GIGYF2: variants seen among roughly 807,000 people sequenced by gnomAD.
GIGYF2 encodes GRB10-interacting GYF protein 2.
In GIGYF2, 25 loss-of-function variants were observed where a neutral mutation model predicts 208.1. That is an observed-to-expected ratio of 0.12 (90% CI 0.09 to 0.17). The LOEUF (loss-of-function observed/expected upper bound fraction) is 0.17. Ranked by LOEUF, GIGYF2 falls within the 10% of genes least tolerant of loss-of-function variation. The pLI is 1.00. For synonymous variants in GIGYF2, 534 were observed against 543.8 expected (o/e 0.98, Z 0.25); for missense variants, 1,302 against 1,579.4 (o/e 0.82, Z 2.98).
At chr2:232,725,440 G>T (rs1300318992) in intron 2 of GIGYF2, among the ~76,000 whole-genome samples, 2 of 151,990 alleles carry the variant, frequency 1.3e-5, no homozygotes, top group Non-Finnish European at 2.9e-5. Flanking sequence ...ATGGTTTTTG[G>T]AGTCCTTATA....
At chr2:232,750,425 C>G (rs1327241645) in intron 5 of GIGYF2, among the ~76,000 whole-genome samples, 3 of 152,098 alleles carry the variant, frequency 2.0e-5, no homozygotes, top group African/African-American at 7.2e-5. Flanking sequence ...CCAGAGGCCG[C>G]AAGTGTTAGC....
chr2:232,798,654 T>G (rs1010335583), intron 14 of GIGYF2, among the ~76,000 whole-genome samples: 2 of 152,226 alleles, frequency 1.3e-5, no homozygotes, highest in African/African-American at 4.8e-5. Flanking sequence ...TTACATTACA[T>G]TTCCCTAATG....
At chr2:232,846,639 C>A (rs1702013426) in intron 26 of GIGYF2, among the ~76,000 whole-genome samples, 2 of 150,152 alleles carry the variant, frequency 1.3e-5, no homozygotes, top group Non-Finnish European at 3.0e-5. Context: ...TTTTAAATAA[C>A]AGTAATGGCT....
rs186276619 is a variant in GIGYF2, at chr2:232,810,717, A to G, written c.1899-527A>G. The G allele has an allele frequency of 1.2e-4, 22 of 179,584 alleles. No homozygotes were observed. The East Asian group carries it at 2.4e-3, about 20-fold the overall frequency. The allele number at this position is 179,584 out of a possible 1,614,324, so 11.1% of individuals were successfully genotyped here. A position where few individuals can be genotyped will look rare whatever the true frequency, so the allele number is the denominator to read the frequency against. ...TTGCAACAGAGAGTATATGAGCTGC[A>G]TAGATGAAACTATTTACTCTCTGGC... On this transcript the variant is annotated intron_variant, in intron 16 of 28. Transcript: ENST00000373563.
intron 21 of GIGYF2, among the ~76,000 whole-genome samples, chr2:232,822,670 T>A (rs1474365591): frequency 6.6e-6 from 1 of 152,038 alleles, no homozygotes; most frequent in Middle Eastern, 3.2e-3. Context: ...AGGGCAAGAC[T>A]CTGTCTCGGA....
chr2:232,721,044 C>T (rs534426526), intron 2 of GIGYF2, among the ~76,000 whole-genome samples: 2 of 152,322 alleles, frequency 1.3e-5, no homozygotes, highest in South Asian at 4.1e-4. Context: ...GAGTTGCTTT[C>T]AGCATGAGAA....
chr2:232,720,625 C>T (rs1342208006), intron 2 of GIGYF2, among the ~76,000 whole-genome samples: 3 of 148,618 alleles, frequency 2.0e-5, no homozygotes, highest in East Asian at 2.0e-4. Context: ...GACGGAGGCT[C>T]ACTCTGTTGT....
At chr2:232,720,066 G>T (rs576002550) in intron 2 of GIGYF2, among the ~76,000 whole-genome samples, 1 of 152,114 alleles carries the variant, frequency 6.6e-6, no homozygotes, top group African/African-American at 2.4e-5. Flanking sequence ...TTTACATTAG[G>T]TATTTCTCCT....
In GIGYF2 at chr2:232,856,814, C is replaced by T; in HGVS notation, c.3854C>T (p.Ser1285Leu). ...GCAGGATTTTCAGTCAATGCATCAT[C>T]GGAGCGACTCAACATGGGTGAAATC... Reference protein sequence around the residue: ...SLLGFSVNASSERLNMGEIET... With the variant: ...SLLGFSVNASLERLNMGEIET... The change falls in exon 29 of 29, where the codon TCG (serine) becomes TTG (leucine). Residue 1285 changes from serine (S) to leucine (L), a missense_variant. By Grantham distance (145) the Ser-to-Leu change is moderately radical (BLOSUM62 -2). Coordinates refer to ENST00000373563, the MANE Select transcript of GIGYF2 (RefSeq NM_001103146.3). The T allele has an allele frequency of 6.2e-7, 1 of 1,613,232 alleles. No individual in the cohort carries two copies. Among genetic ancestry groups the T allele is most frequent in the Non-Finnish European group, 8.5e-7 (1 of 1,179,166 alleles).
At chr2:232,832,719 C>T (rs769678160) in intron 21 of GIGYF2, 138 bp from the exon 22 acceptor site, 3 of 667,012 alleles carry the variant, frequency 4.5e-6, no homozygotes, top group Non-Finnish European at 7.9e-6. Flanking sequence ...GTTACTTCTA[C>T]CTTGCATCAT....
At chr2:232,796,896 A>G (rs1240765889) in intron 14 of GIGYF2, among the ~76,000 whole-genome samples, 1 of 152,202 alleles carries the variant, frequency 6.6e-6, no homozygotes, top group Non-Finnish European at 1.5e-5. Flanking sequence ...ATGTGATGAC[A>G]AATATGACAG....
intron 21 of GIGYF2, among the ~76,000 whole-genome samples, chr2:232,830,262 C>T (rs1701389154): frequency 6.6e-6 from 1 of 152,206 alleles, no homozygotes; most frequent in Non-Finnish European, 1.5e-5. Context: ...GGATTACAGG[C>T]ACAAACCACT....
chr2:232,791,148 G>T lies in GIGYF2; in HGVS notation c.1071G>T (p.Glu357Asp). The change falls in exon 11 of 29, where the codon GAG becomes GAT. Residue 357 changes from glutamate (E) to aspartate (D), a missense_variant. Physicochemically the swap from Glu to Asp is conservative, Grantham distance 45. This residue lies in a region of GIGYF2 where 235 missense variants were observed against 218.8 expected (regional missense o/e 1.07). Coordinates refer to ENST00000373563, the MANE Select transcript of GIGYF2 (RefSeq NM_001103146.3). ...EPDKTNKKEG[E>D]KTDRVGVEAS... ...ATAAGACAAATAAGAAAGAAGGAGAGAAAACAGATAGAGTAGGAGTTGGTA... is the reference window on the plus strand; with the variant it reads ...ATAAGACAAATAAGAAAGAAGGAGATAAAACAGATAGAGTAGGAGTTGGTA... 1.2e-6 allele frequency: 2 copies of T among 1,613,762 alleles called. No individual in the cohort carries two copies. Among genetic ancestry groups the T allele is most frequent in the Admixed American group, 1.7e-5 (1 of 59,988 alleles).
intron 25 of GIGYF2, among the ~76,000 whole-genome samples, chr2:232,844,796 C>T (rs183472456): frequency 3.3e-5 from 5 of 152,284 alleles, no homozygotes; most frequent in Admixed American, 1.3e-4. Flanking sequence ...CTTATTCTAT[C>T]GCCTAGCACA....
rs1213882824 is a variant in GIGYF2 at position 232,859,395 on chromosome 2, A to G, written c.*2535A>G. On this transcript the variant is annotated 3_prime_UTR_variant, in exon 29 of 29. Transcript: ENST00000373563. ...ATCCTCCCGCCTCAGCCTCCTAAATATCTAGGACTACAGGTGTGTGCCACC... is the reference window on the plus strand; with the variant it reads ...ATCCTCCCGCCTCAGCCTCCTAAATGTCTAGGACTACAGGTGTGTGCCACC... 1 of 152,132 alleles carries G rather than the reference A, an allele frequency of 6.6e-6. No homozygotes were observed. Among genetic ancestry groups the G allele is most frequent in the Non-Finnish European group, 1.5e-5 (1 of 68,088 alleles). The allele number at this position is 152,132 out of a possible 1,614,324, so 9.4% of individuals were successfully genotyped here. A position where few individuals can be genotyped will look rare whatever the true frequency, so the allele number is the denominator to read the frequency against.
At chr2:232,781,804 C>T (rs1435857239) in intron 8 of GIGYF2, among the ~76,000 whole-genome samples, 1 of 152,156 alleles carries the variant, frequency 6.6e-6, no homozygotes, top group Non-Finnish European at 1.5e-5. Flanking sequence ...CATTAAGAAT[C>T]ACTTAGTGTA....
chr2:232,744,826 A>G (rs555009121), intron 3 of GIGYF2, among the ~76,000 whole-genome samples: 15 of 152,262 alleles, frequency 9.9e-5, no homozygotes, highest in East Asian at 1.9e-4. Flanking sequence ...CTAACCTGCA[A>G]CCGGTCAATT....
intron 1 of GIGYF2, among the ~76,000 whole-genome samples, chr2:232,701,632 T>G (rs1695848635): frequency 6.6e-6 from 1 of 151,800 alleles, no homozygotes; most frequent in African/African-American, 2.4e-5. Flanking sequence ...CTATGTTGCC[T>G]AGGCTGGTCT....
Position 232,787,189 on chromosome 2 carries a change from G to C in GIGYF2, c.572G>C (p.Gly191Ala). 6.2e-7 allele frequency: 1 copy of C among 1,614,034 alleles called. No homozygotes were observed. Among genetic ancestry groups the C allele is most frequent in the South Asian group, 1.1e-5 (1 of 91,082 alleles). Reference protein sequence around the residue: ...NFEEGGPTSVGRKHEFIRSES... With the variant: ...NFEEGGPTSVARKHEFIRSES... ...GAGGAAGGTGGACCAACATCAGTAG[G>C]GAGAAAGCATGAATTTATACGCTCA... Residue 191 changes from glycine (G) to alanine (A), a missense_variant, in exon 9 of 29, where the codon GGG (glycine) becomes GCG (alanine). Gly to Ala is a moderately conservative substitution (Grantham distance 60). This residue lies in a region of GIGYF2 where 189 missense variants were observed against 257.7 expected (regional missense o/e 0.73). Coordinates refer to ENST00000373563, the MANE Select transcript of GIGYF2 (RefSeq NM_001103146.3).
Sources: allele counts gnomAD v4.1 joint callset (sites outside exome capture counted in the v4.1 genomes callset), GRCh38; gene constraint gnomAD v4.1.1; regional missense constraint gnomAD v4.1.1; transcripts MANE v1.5; gene names NCBI Gene and HGNC (gene_info 2026-07-23, HGNC 2026-07-21).